The following ANKIB1 variants were observed in gnomAD, a reference collection of about 807,000 sequenced individuals.
ANKIB1 encodes ankyrin repeat and IBR domain-containing protein 1.
In ANKIB1, 43 loss-of-function variants were observed where a neutral mutation model predicts 122.1. The observed-to-expected ratio is 0.35, with a 90% confidence interval of 0.28 to 0.45. ANKIB1 has a LOEUF of 0.45. ANKIB1 is among the 20% of genes least tolerant of loss of function. The pLI, the probability that ANKIB1 is intolerant of heterozygous loss-of-function variation, is 1.00. For synonymous variants in ANKIB1, 390 were observed against 442.0 expected (o/e 0.88, Z 1.48); for missense variants, 992 against 1,329.5 (o/e 0.75, Z 3.95).
At chr7:92,263,454 T>C (rs1194551485) in intron 1 of ANKIB1, among the ~76,000 whole-genome samples, 1 of 152,210 alleles carries the variant, frequency 6.6e-6, no homozygotes, top group African/African-American at 2.4e-5. Flanking sequence ...ACAAACCTGA[T>C]ATTTTGCTGG....
At chr7:92,316,752 T>A (rs1802801180) in intron 3 of ANKIB1, among the ~76,000 whole-genome samples, 1 of 152,084 alleles carries the variant, frequency 6.6e-6, no homozygotes, top group Admixed American at 6.6e-5. Context: ...AACCCCCCAA[T>A]GAATGAAGTC....
chr7:92,398,513 C>G lies in ANKIB1; in HGVS notation c.2834C>G (p.Ala945Gly), dbSNP rs866020224. 6.2e-7 allele frequency: 1 copy of G among 1,613,948 alleles called. No individual in the cohort carries two copies. Among genetic ancestry groups the G allele is most frequent in the South Asian group, 1.1e-5 (1 of 91,078 alleles). Residue 945 changes from alanine to glycine, a missense_variant, in exon 20 of 20, where the codon GCA becomes GGA. By Grantham distance (60) the Ala-to-Gly change is moderately conservative (BLOSUM62 0). This residue lies in a region of ANKIB1 where 384 missense variants were observed against 412.0 expected (regional missense o/e 0.93). Coordinates refer to ENST00000265742, the MANE Select transcript of ANKIB1 (RefSeq NM_019004.2). The part of the protein sequence containing the change: ...DTLSSHPLSE[A>G]RSDFCPSSSD... ...CTGAGCTCACACCCTCTCAGTGAGG[C>G]AAGAAGTGATTTCTGTCCCTCATCT... is the stretch of plus-strand genomic sequence containing the variant.
chr7:92,277,640 T>C (rs1225405954), intron 1 of ANKIB1, among the ~76,000 whole-genome samples: 1 of 152,174 alleles, frequency 6.6e-6, no homozygotes, highest in Non-Finnish European at 1.5e-5. Context: ...ACAATATTTA[T>C]GGATGTTCTG....
intron 10 of ANKIB1, among the ~76,000 whole-genome samples, chr7:92,369,149 T>C (rs1473626245): frequency 2.0e-5 from 3 of 152,172 alleles, no homozygotes; most frequent in Admixed American, 6.5e-5. Context: ...TGGAATTGCC[T>C]CCACAGCTTG....
intron 1 of ANKIB1, among the ~76,000 whole-genome samples, chr7:92,281,416 C>G (rs1022305992): frequency 2.6e-5 from 4 of 152,156 alleles, no homozygotes; most frequent in Admixed American, 2.6e-4. Flanking sequence ...TCCCAGACAC[C>G]AGCCATGGAT....
intron 7 of ANKIB1, 55 bp downstream of exon 7, chr7:92,345,121 T>A: frequency 7.8e-7 from 1 of 1,286,898 alleles, no homozygotes; most frequent in Non-Finnish European, 1.1e-6. Context: ...TCTGATTTGT[T>A]AATAAAATTG....
At chr7:92,267,582 C>G (rs1428297485) in intron 1 of ANKIB1, among the ~76,000 whole-genome samples, 1 of 152,138 alleles carries the variant, frequency 6.6e-6, no homozygotes, top group African/African-American at 2.4e-5. Context: ...TTTGTTTACA[C>G]TGTGATCATG....
chr7:92,364,564 A>G (rs930186875), intron 10 of ANKIB1, among the ~76,000 whole-genome samples: 5 of 152,120 alleles, frequency 3.3e-5, no homozygotes, highest in Non-Finnish European at 4.4e-5. Flanking sequence ...TCTGTTATGA[A>G]TGGCTTGCTA....
chr7:92,366,082 T>G (rs1316573500), intron 10 of ANKIB1, among the ~76,000 whole-genome samples: 1 of 152,062 alleles, frequency 6.6e-6, no homozygotes, highest in Non-Finnish European at 1.5e-5. Context: ...TAAATAATCT[T>G]AAGTAGTAAA....
chr7:92,265,412 A>G (rs1196429104), intron 1 of ANKIB1, among the ~76,000 whole-genome samples: 3 of 152,234 alleles, frequency 2.0e-5, no homozygotes, highest in African/African-American at 7.2e-5. Context: ...GAGAAAAAAA[A>G]AGAGGAAAAA....
intron 5 of ANKIB1, among the ~76,000 whole-genome samples, chr7:92,335,198 C>G (rs1184812750): frequency 6.6e-6 from 1 of 151,686 alleles, no homozygotes; most frequent in African/African-American, 2.4e-5. Flanking sequence ...ATAATATAGT[C>G]TAATTTTCAA....
At chr7:92,329,823 G>C (rs1161314017) in intron 5 of ANKIB1, among the ~76,000 whole-genome samples, 1 of 152,132 alleles carries the variant, frequency 6.6e-6, no homozygotes, top group Non-Finnish European at 1.5e-5. Context: ...CACTGCCACT[G>C]ACTTAAGGCT....
rs773195534 is a variant in ANKIB1, at chr7:92,246,505, G to T, written c.-105G>T. 5.8e-6 allele frequency: 3 copies of T among 518,526 alleles called. No homozygotes were observed. Among genetic ancestry groups the T allele is most frequent in the Middle Eastern group, 6.4e-4 (2 of 3,142 alleles). The allele number at this position is 518,526 out of a possible 1,614,324, so 32.1% of individuals were successfully genotyped here. ...CTGGGTCCACCGACCCTTACCCTCAGCGAGAGAAGTAACCGTAAGTCTCAG... is the reference window on the plus strand; with the variant it reads ...CTGGGTCCACCGACCCTTACCCTCATCGAGAGAAGTAACCGTAAGTCTCAG... On this transcript the variant is annotated 5_prime_UTR_variant, in exon 1 of 20. Transcript: ENST00000265742.
chr7:92,381,285 G>A (rs908094211), intron 11 of ANKIB1, among the ~76,000 whole-genome samples: 4 of 152,114 alleles, frequency 2.6e-5, no homozygotes, highest in South Asian at 2.1e-4. Flanking sequence ...TGAAAGTGAC[G>A]GGGAGAATGG....
chr7:92,396,036 A>AAATGAGT (rs1804883868), intron 17 of ANKIB1: 1 of 242,814 alleles, frequency 4.1e-6, no homozygotes. Flanking sequence ...AGCCTTACTT[A>AAATGAGT]AATGAGTAAT....
chr7:92,296,286 GATCATA>G (rs1305182385), intron 2 of ANKIB1, among the ~76,000 whole-genome samples: 23 of 151,878 alleles, frequency 1.5e-4, no homozygotes, highest in African/African-American at 5.3e-4. Context: ...GTAGTGGTGT[GATCATA>G]ATTTGCTGTA....
chr7:92,306,140 T>A (rs1257550494), intron 2 of ANKIB1, among the ~76,000 whole-genome samples: 1 of 151,764 alleles, frequency 6.6e-6, no homozygotes, highest in Non-Finnish European at 1.5e-5. Context: ...CTTGCTGAGT[T>A]AATTTCCTGT....
At chr7:92,330,377 GAATAGAT>G (rs1198324496) in intron 5 of ANKIB1, among the ~76,000 whole-genome samples, 1 of 151,974 alleles carries the variant, frequency 6.6e-6, no homozygotes, top group Admixed American at 6.6e-5. Flanking sequence ...GTTTTGTAAT[GAATAGAT>G]AATAAGCCAA....
intron 12 of ANKIB1, among the ~76,000 whole-genome samples, chr7:92,386,989 A>G (rs1222729112): frequency 1.3e-5 from 2 of 152,126 alleles, no homozygotes; most frequent in African/African-American, 4.8e-5. Flanking sequence ...AAATACATAG[A>G]CTGGGTGGCT....
Sources: allele counts gnomAD v4.1 joint callset (sites outside exome capture counted in the v4.1 genomes callset), GRCh38; gene constraint gnomAD v4.1.1; regional missense constraint gnomAD v4.1.1; transcripts MANE v1.5; gene names NCBI Gene and HGNC (gene_info 2026-07-23, HGNC 2026-07-21).